RHEBL1: variants seen among roughly 807,000 people sequenced by gnomAD.
The protein encoded by RHEBL1 is RHEB like 1.
Under a neutral mutation model 27.4 loss-of-function variants are expected in RHEBL1, and 22 were observed. That is an observed-to-expected ratio of 0.80 (90% CI 0.57 to 1.15). RHEBL1 has a LOEUF of 1.15. RHEBL1 is among the 50% of genes most tolerant of loss of function. RHEBL1 has a pLI of 0.00. For missense variants in RHEBL1, 186 were observed against 226.5 expected (o/e 0.82, Z 1.15); for synonymous variants, 85 against 80.8 (o/e 1.05, Z -0.28).
In RHEBL1 at chr12:49,066,242, G is replaced by C. The variant is rs1183154507; in HGVS notation, c.369C>G (p.Leu123=). The C allele has an allele frequency of 1.2e-6, 2 of 1,613,790 alleles. No homozygotes were observed. The highest frequency in any genetic ancestry group is 2.2e-5 in the South Asian group (2 of 91,072). Residue 123 remains leucine, a synonymous_variant, in exon 6 of 8, where the codon CTC becomes CTG. Coordinates refer to ENST00000301068, the MANE Select transcript of RHEBL1 (RefSeq NM_144593.3). ...PVVLVGNKAD[L]SPEREVQAVE... ...AGAGATTTACATACCTCTCTGGAGA[G>C]AGATCTGCCTTGTTCCCCACTAGAA... is the stretch of plus-strand genomic sequence containing the variant.
At chr12:49,068,192 C>G (rs1218343073) in intron 2 of RHEBL1, among the ~76,000 whole-genome samples, 2 of 151,394 alleles carry the variant, frequency 1.3e-5, no homozygotes, top group East Asian at 3.9e-4. Flanking sequence ...CGCAGTGGCA[C>G]GATCTCGGCT....
In RHEBL1 at chr12:49,064,699, T is replaced by G. The variant is rs1938966186; in HGVS notation, c.*404A>C. ...AGTCAACAACAAAAGATTTCTCAATTTATTTGCATATATACATTGTCACCC... is the reference window on the plus strand; with the variant it reads ...AGTCAACAACAAAAGATTTCTCAATGTATTTGCATATATACATTGTCACCC... On this transcript the variant is annotated 3_prime_UTR_variant, in exon 8 of 8. Transcript: ENST00000301068. 4 of 175,904 alleles carry G rather than the reference T, an allele frequency of 2.3e-5. No individual in the cohort carries two copies. The South Asian group carries it at 5.6e-4, about 25-fold the overall frequency. 10.9% of individuals were successfully genotyped at this position (175,904 alleles called of 1,614,324 possible).
chr12:49,068,684 C>T (rs1486502997), intron 2 of RHEBL1, among the ~76,000 whole-genome samples: 1 of 152,146 alleles, frequency 6.6e-6, no homozygotes, highest in Non-Finnish European at 1.5e-5. Flanking sequence ...CATCCGCCCG[C>T]CTCAGCTTCC....
intron 1 of RHEBL1, 67 bp downstream of exon 1, chr12:49,069,667 C>A: frequency 6.9e-7 from 1 of 1,453,994 alleles, no homozygotes; most frequent in Non-Finnish European, 9.7e-7. Flanking sequence ...GTCGCGTTCC[C>A]ACGGCAGCGC....
rs1400560897 is a variant in RHEBL1 at position 49,064,886 on chromosome 12, C to T, written c.*217G>A. ...TCAAACAAAAACAGAGGGCTAGAGGCCAGTGTCCATGAGAGGTCCTTGCCC... is the reference window on the plus strand; with the variant it reads ...TCAAACAAAAACAGAGGGCTAGAGGTCAGTGTCCATGAGAGGTCCTTGCCC... On this transcript the variant is annotated 3_prime_UTR_variant, in exon 8 of 8. Coordinates refer to ENST00000301068, the MANE Select transcript of RHEBL1 (RefSeq NM_144593.3). 60 of 571,146 alleles carry T rather than the reference C, an allele frequency of 1.1e-4. No individual in the cohort carries two copies. The East Asian group carries it at 1.7e-3, about 16-fold the overall frequency. The allele number at this position is 571,146 out of a possible 1,614,324, so 35.4% of individuals were successfully genotyped here.
chr12:49,065,389 C>A lies in RHEBL1; in HGVS notation c.423G>T (p.Trp141Cys), dbSNP rs1938979673. ...CAGATGACTCCATAAATGTCGCACC[C>A]CAGGACTCTGCCAGCTTCTTTCCTT... Reference protein sequence around the residue: ...AVEGKKLAESWGATFMESSAR... With the variant: ...AVEGKKLAESCGATFMESSAR... The change falls in exon 7 of 8, where the codon TGG (tryptophan) becomes TGT (cysteine). Residue 141 changes from tryptophan (W) to cysteine (C), a missense_variant. Coordinates refer to ENST00000301068, the MANE Select transcript of RHEBL1 (RefSeq NM_144593.3). 1 of 1,614,072 alleles carries A rather than the reference C, an allele frequency of 6.2e-7. No homozygotes were observed. Among genetic ancestry groups the A allele is most frequent in the African/African-American group, 1.3e-5 (1 of 74,920 alleles).
intron 2 of RHEBL1, 141 bp downstream of exon 2, chr12:49,068,894 G>T: frequency 1.1e-6 from 1 of 873,020 alleles, no homozygotes; most frequent in East Asian, 2.6e-5. Flanking sequence ...CCATCGAACA[G>T]GATTGCTAAA....
At position 49,065,092 on chromosome 12, in the gene RHEBL1, C is replaced by A; in HGVS notation, c.*11G>T. On this transcript the variant is annotated 3_prime_UTR_variant, in exon 8 of 8. Transcript: ENST00000301068. ...GGGCAGAAGCAAGGCAGTTACCCCA[C>A]ACCCAAGGGCTCACATGAGATGGCA... is the stretch of plus-strand genomic sequence containing the variant. 3 of 1,605,522 alleles carry A rather than the reference C, an allele frequency of 1.9e-6. No individual in the cohort carries two copies. The highest frequency in any genetic ancestry group is 2.6e-6 in the Non-Finnish European group (3 of 1,172,132).
At chr12:49,067,470 T>G (rs1460762776) in intron 2 of RHEBL1, among the ~76,000 whole-genome samples, 2 of 151,394 alleles carry the variant, frequency 1.3e-5, no homozygotes, top group Admixed American at 6.6e-5. Context: ...TTTTTTTTTT[T>G]GGCAGCATTT....
rs866263648 is a variant in RHEBL1, at chr12:49,066,240, G to A, written c.371C>T (p.Ser124Phe). 1 of 1,613,676 alleles carries A rather than the reference G, an allele frequency of 6.2e-7. No individual in the cohort carries two copies. Residue 124 changes from serine to phenylalanine, a missense_variant, in exon 6 of 8, where the codon TCT becomes TTT. By Grantham distance (155) the Ser-to-Phe change is radical. This residue lies in a region of RHEBL1 where 90 missense variants were observed against 95.2 expected (regional missense o/e 0.95). Transcript: ENST00000301068. ...VVLVGNKADL[S>F]PEREVQAVEG... Reference sequence around the variant, plus strand: ...GCAGAGATTTACATACCTCTCTGGAGAGAGATCTGCCTTGTTCCCCACTAG... The same window carrying A: ...GCAGAGATTTACATACCTCTCTGGAAAGAGATCTGCCTTGTTCCCCACTAG...
At position 49,066,952 on chromosome 12, in the gene RHEBL1, A is replaced by G; in HGVS notation, c.192+16T>C. The G allele has an allele frequency of 6.2e-7, 1 of 1,606,996 alleles. No homozygotes were observed. Among genetic ancestry groups the G allele is most frequent in the Non-Finnish European group, 8.5e-7 (1 of 1,173,544 alleles). On this transcript the variant is annotated intron_variant, in intron 3 of 7. Transcript: ENST00000301068. ...GGCTGAACTGCCACATTTGGATACC[A>G]TACCCCAACTGGTACCTGCCCTGCT... is the stretch of plus-strand genomic sequence containing the variant.
At chr12:49,065,596 C>A (rs1396374596) in intron 6 of RHEBL1, among the ~76,000 whole-genome samples, 165 bp from the exon 7 acceptor site, 2 of 151,738 alleles carry the variant, frequency 1.3e-5, no homozygotes, top group East Asian at 3.9e-4. Context: ...GAGTTCAAGA[C>A]CAGCCTGGAC....
Position 49,066,465 on chromosome 12 carries a change from G to T in RHEBL1, c.332+11C>A, listed in dbSNP as rs759154146. 1 of 1,613,236 alleles carries T rather than the reference G, an allele frequency of 6.2e-7. No individual in the cohort carries two copies. Among genetic ancestry groups the T allele is most frequent in the Non-Finnish European group, 8.5e-7 (1 of 1,179,436 alleles). The stretch of plus-strand genomic sequence containing the variant: ...GCCCACACTATGTCCCTATCCCCCA[G>T]GGCCACTTACCGGGTTTTCCCATGG... On this transcript the variant is annotated intron_variant, in intron 5 of 7. Transcript: ENST00000301068.
intron 2 of RHEBL1, among the ~76,000 whole-genome samples, chr12:49,068,564 T>C (rs913384403): frequency 4.6e-5 from 7 of 151,824 alleles, no homozygotes; most frequent in Non-Finnish European, 7.4e-5. Context: ...GTCTCCTTTG[T>C]AGCTGGGATT....
chr12:49,069,770 A>G lies in RHEBL1; in HGVS notation c.16T>C (p.Tyr6His). MPLVR[Y>H]RKVVILGYRC... is the part of the protein sequence containing the mutation. ...TATCCGAGGATGACCACCTTCCTGT[A>G]GCGGACTAGCGGCATGGCAGGAGCC... Residue 6 changes from tyrosine to histidine, a missense_variant, in exon 1 of 8, where the codon TAC becomes CAC. Transcript: ENST00000301068. The G allele has an allele frequency of 2.5e-6, 4 of 1,613,968 alleles. No homozygotes were observed. Among genetic ancestry groups the G allele is most frequent in the Non-Finnish European group, 3.4e-6 (4 of 1,179,942 alleles).
At position 49,067,037 on chromosome 12, in the gene RHEBL1, TGAAAA is replaced by T. The variant is rs756792794; in HGVS notation, c.125-7_125-3del. The stretch of plus-strand genomic sequence containing the variant: ...CAAGAGTCACTATCTTGCTGTAAGC[TGAAAA>T]GAAAAGAAAACTTGACTGTGAAGTG... On this transcript the variant is annotated splice_polypyrimidine_tract_variant and splice_region_variant and intron_variant, in intron 2 of 7. Transcript: ENST00000301068. 16 of 1,612,466 alleles carry T rather than the reference TGAAAA, an allele frequency of 9.9e-6. No individual in the cohort carries two copies. Among genetic ancestry groups the T allele is most frequent in the Non-Finnish European group, 1.2e-5 (14 of 1,179,246 alleles).
intron 2 of RHEBL1, among the ~76,000 whole-genome samples, 174 bp from the exon 3 acceptor site, chr12:49,067,209 T>C (rs1216373232): frequency 6.6e-6 from 1 of 151,516 alleles, no homozygotes; most frequent in Non-Finnish European, 1.5e-5. Context: ...TTCAAGCTAT[T>C]CTCCTGCCTC....
intron 2 of RHEBL1, among the ~76,000 whole-genome samples, chr12:49,068,255 G>A (rs113660344): frequency 0.028 from 4,211 of 150,574 alleles, 101 homozygotes; most frequent in South Asian, 0.041. Flanking sequence ...TCAGCCTCCC[G>A]AGTAGATGGG....
Position 49,069,244 on chromosome 12 carries a change from C to T in RHEBL1, c.53-138G>A. On this transcript the variant is annotated intron_variant, in intron 1 of 7. Coordinates refer to ENST00000301068, the MANE Select transcript of RHEBL1 (RefSeq NM_144593.3). ...TGTGAGTGCCTCAAGCAATGCTATC[C>T]TTTGTGTCTACCCTCACCCTCTTTT... is the stretch of plus-strand genomic sequence containing the variant. 3.5e-6 allele frequency: 5 copies of T among 1,447,388 alleles called. No homozygotes were observed. The East Asian group carries it at 9.5e-5, about 28-fold the overall frequency. The allele number at this position is 1,447,388 out of a possible 1,614,324, so 89.7% of individuals were successfully genotyped here.
Sources: gnomAD v4.1 joint callset for allele counts (sites outside exome capture counted in the v4.1 genomes callset) on GRCh38, gnomAD v4.1.1 for gene constraint, gnomAD v4.1.1 regional missense constraint, MANE v1.5 for transcripts, NCBI Gene and HGNC (gene_info 2026-07-23, HGNC 2026-07-21) for gene names.